The following MAST2 variants were observed in gnomAD, a reference collection of about 807,000 sequenced individuals.
MAST2 encodes the protein microtubule associated serine/threonine kinase 2, also known as microtubule-associated serine/threonine-protein kinase 2.
In MAST2, 70 loss-of-function variants were observed where a neutral mutation model predicts 147.4. The observed-to-expected ratio is 0.47, with a 90% CI of 0.39 to 0.58. The LOEUF (loss-of-function observed/expected upper bound fraction) is 0.58. Ranked by LOEUF, MAST2 falls within the 20% of genes least tolerant of loss-of-function variation. The probability of loss-of-function intolerance (pLI) is 0.00; values close to 1 mark genes in which losing one functional copy is unlikely to be tolerated. For synonymous variants in MAST2, 869 were observed against 896.8 expected, an observed-to-expected ratio of 0.97 and a Z score of 0.55; for missense variants, 2,080 against 2,302.3, an observed-to-expected ratio of 0.90 and a Z score of 1.98.
At chr1:45,837,614 G>T (rs1570308121) in intron 3 of MAST2, among the ~76,000 whole-genome samples, 1 of 152,220 alleles carries the variant, frequency 6.6e-6, no homozygotes, top group African/African-American at 2.4e-5. Context: ...TGTGGAATAT[G>T]CTTTATTTCT....
chr1:45,921,164 T>A (rs1390676362), intron 4 of MAST2, among the ~76,000 whole-genome samples: 1 of 152,062 alleles, frequency 6.6e-6, no homozygotes, highest in Non-Finnish European at 1.5e-5. Context: ...CCCAGCTAAT[T>A]TTTGTATTTT....
chr1:45,823,124 G>A (rs1209253170), intron 1 of MAST2, among the ~76,000 whole-genome samples: 1 of 151,418 alleles, frequency 6.6e-6, no homozygotes, highest in African/African-American at 2.4e-5. Flanking sequence ...GTTTTGGATA[G>A]TCACCACCAA....
intron 5 of MAST2, among the ~76,000 whole-genome samples, chr1:45,988,777 A>T (rs1447806256): frequency 3.9e-5 from 6 of 152,174 alleles, no homozygotes; most frequent in Non-Finnish European, 1.5e-5. Context: ...AGGTCCTTTC[A>T]GTTGGCTCCT....
In MAST2 at chr1:45,829,476, C is replaced by T. The variant is rs779691344; in HGVS notation, c.363C>T (p.Ser121=). The change falls in exon 3 of 29, where the codon AGC becomes AGT. Residue 121 remains serine, a synonymous_variant. Transcript: ENST00000361297. ...TCCCTTTGTCCAGCAGTGTACATAG[C>T]AGTGTGGGACAGGTGACTTGGCAGT... ...QLLPLSSSVH[S]SVGQVTWQSS... 5 of 1,614,090 alleles carry T rather than the reference C, an allele frequency of 3.1e-6. No homozygotes were observed. The highest frequency in any genetic ancestry group is 4.2e-6 in the Non-Finnish European group (5 of 1,179,994).
Position 46,035,027 on chromosome 1 carries a change from G to A in MAST2, c.4358G>A (p.Gly1453Glu). The A allele has an allele frequency of 6.2e-7, 1 of 1,613,998 alleles. No homozygotes were observed. The highest frequency in any genetic ancestry group is 8.5e-7 in the Non-Finnish European group (1 of 1,180,032). ...GAAGTGAGCCCTCTGGAGGTAGTTG[G>A]AGCCAGGAGTGTGCTGTCTGGCAAG... is the stretch of plus-strand genomic sequence containing the variant. ...PREVSPLEVVGARSVLSGKGA... is the reference protein window; with the variant it reads ...PREVSPLEVVEARSVLSGKGA... Residue 1453 changes from glycine (G) to glutamate (E), a missense_variant, in exon 29 of 29, where the codon GGA becomes GAA. This residue lies in a region of MAST2 where 1,278 missense variants were observed against 1,304.2 expected (regional missense o/e 0.98). Transcript: ENST00000361297. This position sits in a 1 kb window ranked among gnomAD's most constrained non-coding sequence, Gnocchi z 5.5.
intron 4 of MAST2, among the ~76,000 whole-genome samples, chr1:45,886,385 G>A (rs189703914): frequency 9.3e-5 from 14 of 151,348 alleles, no homozygotes; most frequent in African/African-American, 3.4e-4. Flanking sequence ...GAAGAGAGCT[G>A]TTACATTCTA....
chr1:45,814,712 G>C (rs1231078110), intron 1 of MAST2, among the ~76,000 whole-genome samples: 2 of 152,066 alleles, frequency 1.3e-5, no homozygotes, highest in South Asian at 4.2e-4. Context: ...GCTTGAACCC[G>C]GGAGTTGGAG....
Position 46,029,495 on chromosome 1 carries a change from G to T in MAST2, c.2248G>T (p.Ala750Ser). ...DEIVWPEGDEALPPDAQDLTS... is the reference protein window; with the variant it reads ...DEIVWPEGDESLPPDAQDLTS... ...GATTGTGTGGCCTGAGGGTGATGAG[G>T]CACTGCCCCCAGACGCCCAGGACCT... Residue 750 changes from alanine to serine, a missense_variant, in exon 19 of 29, where the codon GCA (alanine) becomes TCA (serine). Transcript: ENST00000361297. 1 of 1,614,070 alleles carries T rather than the reference G, an allele frequency of 6.2e-7. No individual in the cohort carries two copies. The highest frequency in any genetic ancestry group is 8.5e-7 in the Non-Finnish European group (1 of 1,179,958).
chr1:45,889,754 C>T (rs752856003), intron 4 of MAST2, among the ~76,000 whole-genome samples: 11 of 151,792 alleles, frequency 7.2e-5, no homozygotes, highest in South Asian at 2.1e-4. Context: ...TACAGGTGCA[C>T]GCCATGACAC....
chr1:45,849,876 T>C (rs186421265), intron 3 of MAST2, among the ~76,000 whole-genome samples: 37 of 152,342 alleles, frequency 2.4e-4, no homozygotes, highest in Admixed American at 6.5e-4. Context: ...GTTGATCCCA[T>C]GTCTTTACTA....
At position 45,913,548 on chromosome 1, in the gene MAST2, G is replaced by A. The variant is rs929957847; in HGVS notation, c.500+31153G>A. 4 of 977,792 alleles carry A rather than the reference G, an allele frequency of 4.1e-6. No homozygotes were observed. In the African/African-American group the frequency reaches 7.0e-5, roughly 17 times the overall value. 60.6% of individuals were successfully genotyped at this position (977,792 alleles called of 1,614,324 possible). On this transcript the variant is annotated intron_variant, in intron 4 of 28. Transcript: ENST00000361297. ...TTTCTGTAGCTCTGATTTGTTGCTGGCTGAGTGTGAATGATGTCAGGCAGA... is the reference window on the plus strand; with the variant it reads ...TTTCTGTAGCTCTGATTTGTTGCTGACTGAGTGTGAATGATGTCAGGCAGA...
intron 4 of MAST2, among the ~76,000 whole-genome samples, chr1:45,955,898 G>T (rs773470440): frequency 6.6e-6 from 1 of 152,100 alleles, no homozygotes; most frequent in Non-Finnish European, 1.5e-5. Flanking sequence ...TAAAATTTTT[G>T]TATAGTTTTA....
intron 1 of MAST2, among the ~76,000 whole-genome samples, chr1:45,805,976 A>G (rs1644129964): frequency 1.3e-5 from 2 of 152,132 alleles, no homozygotes; most frequent in Admixed American, 1.3e-4. Flanking sequence ...TGGCTTCTTC[A>G]CTTATGCTTT....
At position 45,820,893 on chromosome 1, in the gene MAST2, C is replaced by CTTTTT. The variant is rs769508054; in HGVS notation, c.178-3520_178-3516dup. ...TCGATTTCAATTTCTCTTTCTTTCTCTTTTTTTTTTTTTTTTTTTTTTTTG... is the reference window on the plus strand; with the variant it reads ...TCGATTTCAATTTCTCTTTCTTTCTCTTTTTTTTTTTTTTTTTTTTTTTTTTTTTG... On this transcript the variant is annotated intron_variant, in intron 1 of 28. Transcript: ENST00000361297. 1.6e-3 allele frequency among the ~76,000 whole-genome samples: 71 copies of CTTTTT among 43,068 alleles called. 1 individual carries two copies. Among genetic ancestry groups the CTTTTT allele is most frequent in the South Asian group, 4.3e-3 (4 of 940 alleles). 28.3% of individuals were successfully genotyped at this position (43,068 alleles called of 152,430 possible). A position where few individuals can be genotyped will look rare whatever the true frequency, so the allele number is the denominator to read the frequency against.
At chr1:45,876,098 T>C (rs1351017234) in intron 3 of MAST2, among the ~76,000 whole-genome samples, 1 of 152,166 alleles carries the variant, frequency 6.6e-6, no homozygotes, top group African/African-American at 2.4e-5. Context: ...TATCAGGTGC[T>C]GTTGAGCAGT....
At chr1:45,819,552 G>A (rs1570215323) in intron 1 of MAST2, among the ~76,000 whole-genome samples, 1 of 152,136 alleles carries the variant, frequency 6.6e-6, no homozygotes, top group East Asian at 1.9e-4. Context: ...TAGTGTTTCT[G>A]TATGCCAACA....
At chr1:45,868,623 A>G (rs1487904166) in intron 3 of MAST2, among the ~76,000 whole-genome samples, 1 of 152,096 alleles carries the variant, frequency 6.6e-6, no homozygotes, top group African/African-American at 2.4e-5. Flanking sequence ...TTTGGAGGAT[A>G]TATGACAACA....
rs1646783192 is a variant in MAST2 at position 46,033,897 on chromosome 1, C to T, written c.3633C>T (p.Ala1211=). The change falls in exon 27 of 29, where the codon GCC becomes GCT. Residue 1211 remains alanine, a synonymous_variant. Coordinates refer to ENST00000361297, the MANE Select transcript of MAST2 (RefSeq NM_015112.3). ...ARKGSYKAKM[A]RRSKRSRGKD... is the part of the protein sequence containing the mutation. ...AGGGCAGCTACAAGGCCAAGATGGC[C>T]CGAAGGAGCAAGAGGAGCCGCGGCA... 2 of 1,614,018 alleles carry T rather than the reference C, an allele frequency of 1.2e-6. No homozygotes were observed. The highest frequency in any genetic ancestry group is 1.7e-5 in the Admixed American group (1 of 59,990).
intron 7 of MAST2, among the ~76,000 whole-genome samples, chr1:46,005,378 A>C (rs889275362): frequency 1.1e-4 from 17 of 151,396 alleles, no homozygotes; most frequent in African/African-American, 2.4e-4. Context: ...AAAAAAAAAA[A>C]CCCCAGATCA....
Sources: gnomAD v4.1 joint callset for allele counts (sites outside exome capture counted in the v4.1 genomes callset) on GRCh38, gnomAD v4.1.1 for gene constraint, gnomAD v4.1.1 regional missense constraint, Gnocchi (gnomAD v3.1) non-coding constraint, MANE v1.5 for transcripts, NCBI Gene and HGNC (gene_info 2026-07-23, HGNC 2026-07-21) for gene names.